Variants in PTPRD observed in about 807,000 individuals in gnomAD.
PTPRD encodes receptor-type tyrosine-protein phosphatase delta.
PTPRD carries 34 observed loss-of-function variants against 214.5 expected under a neutral mutation model. The observed-to-expected ratio is 0.16, with a 90% CI of 0.12 to 0.21. The LOEUF (loss-of-function observed/expected upper bound fraction) is 0.21, where lower values mean the gene tolerates loss of function less well. Ranked by LOEUF, PTPRD falls within the 10% of genes least tolerant of loss-of-function variation. The pLI is 1.00. For synonymous variants in PTPRD, 1,128 were observed against 845.7 expected, an observed-to-expected ratio of 1.33 and a Z score of -5.79; for missense variants, 2,545 against 2,398.7, an observed-to-expected ratio of 1.06 and a Z score of -1.27.
At chr9:8,718,947 T>G (rs1362674137) in intron 12 of PTPRD, among the ~76,000 whole-genome samples, 1 of 152,004 alleles carries the variant, frequency 6.6e-6, no homozygotes, top group Non-Finnish European at 1.5e-5. Context: ...ACCAAAATGG[T>G]ACAGAGTATA....
intron 2 of PTPRD, among the ~76,000 whole-genome samples, chr9:10,563,738 TATAA>T (rs2064733400): frequency 6.6e-6 from 1 of 152,076 alleles, no homozygotes. Flanking sequence ...TAAATGGTTG[TATAA>T]ATAAGATGTT....
At chr9:9,660,892 G>A (rs1256425684) in intron 7 of PTPRD, among the ~76,000 whole-genome samples, 1 of 151,898 alleles carries the variant, frequency 6.6e-6, no homozygotes, top group East Asian at 1.9e-4. Context: ...TGCCACCAAT[G>A]CCAGGATTCA....
At chr9:10,073,322 T>C (rs1441223109) in intron 3 of PTPRD, among the ~76,000 whole-genome samples, 1 of 152,022 alleles carries the variant, frequency 6.6e-6, no homozygotes, top group East Asian at 1.9e-4. Context: ...GGGGCTGCCA[T>C]AAGTAACTTT....
At chr9:8,456,895 C>A (rs1051841461) in intron 33 of PTPRD, among the ~76,000 whole-genome samples, 7 of 152,168 alleles carry the variant, frequency 4.6e-5, no homozygotes, top group African/African-American at 1.7e-4. Flanking sequence ...TTTTATCCAT[C>A]TTGAAATGCT....
At chr9:10,079,429 T>G (rs1055540748) in intron 3 of PTPRD, among the ~76,000 whole-genome samples, 2 of 152,096 alleles carry the variant, frequency 1.3e-5, no homozygotes, top group African/African-American at 2.4e-5. Flanking sequence ...TGTTGTGTTT[T>G]TGTTGCTGTA....
At chr9:9,860,458 T>C (rs2062483259) in intron 5 of PTPRD, among the ~76,000 whole-genome samples, 1 of 152,234 alleles carries the variant, frequency 6.6e-6, no homozygotes, top group South Asian at 2.1e-4. Flanking sequence ...TGGTTTCTTG[T>C]TTATTGTTCA....
intron 11 of PTPRD, among the ~76,000 whole-genome samples, chr9:8,912,101 C>T (rs535768913): frequency 6.6e-6 from 1 of 152,216 alleles, no homozygotes; most frequent in South Asian, 2.1e-4. Flanking sequence ...TTTGACAATT[C>T]TGTAAAATGT....
intron 14 of PTPRD, among the ~76,000 whole-genome samples, chr9:8,603,654 T>C (rs1449841534): frequency 6.6e-6 from 1 of 152,194 alleles, no homozygotes; most frequent in Middle Eastern, 3.2e-3. Flanking sequence ...CAACTTAGAA[T>C]ATAAATCCAA....
At chr9:9,516,803 TGGGATTACA>T (rs2096849890) in intron 8 of PTPRD, among the ~76,000 whole-genome samples, 1 of 148,412 alleles carries the variant, frequency 6.7e-6, no homozygotes, top group African/African-American at 2.4e-5. Context: ...CCCAAAGTGC[TGGGATTACA>T]GGTGTGAGCC....
At chr9:8,363,222 T>C in intron 39 of PTPRD, among the ~76,000 whole-genome samples, 1 of 152,216 alleles carries the variant, frequency 6.6e-6, no homozygotes, top group Admixed American at 6.5e-5. Context: ...TGCATTCATT[T>C]ACAGTATTCA....
chr9:9,889,807 GTGTGTA>G (rs532897602), intron 5 of PTPRD, among the ~76,000 whole-genome samples: 296 of 144,084 alleles, frequency 2.1e-3, no homozygotes, highest in African/African-American at 8.1e-3. Context: ...GTGTGTGTGT[GTGTGTA>G]TGTGTGTGTG....
At chr9:8,716,762 C>T (rs1236421242) in intron 12 of PTPRD, among the ~76,000 whole-genome samples, 5 of 152,118 alleles carry the variant, frequency 3.3e-5, no homozygotes, top group Non-Finnish European at 7.3e-5. Flanking sequence ...CACAAACTTT[C>T]GAAACAGTTG....
intron 14 of PTPRD, among the ~76,000 whole-genome samples, chr9:8,575,810 T>C (rs79597414): frequency 1.3e-5 from 2 of 152,150 alleles, no homozygotes; most frequent in Non-Finnish European, 2.9e-5. Flanking sequence ...CATAAATGCA[T>C]TAACTTAAAT....
At chr9:9,439,760 G>C (rs1465362963) in intron 8 of PTPRD, among the ~76,000 whole-genome samples, 1 of 152,158 alleles carries the variant, frequency 6.6e-6, no homozygotes, top group Non-Finnish European at 1.5e-5. Context: ...AGCATTAATG[G>C]TAATCATAGA....
At chr9:8,942,995 A>G (rs1157495263) in intron 11 of PTPRD, among the ~76,000 whole-genome samples, 1 of 152,176 alleles carries the variant, frequency 6.6e-6, no homozygotes, top group African/African-American at 2.4e-5. Flanking sequence ...CTATATGCCA[A>G]TAGCAAATAA....
At chr9:9,688,570 A>G (rs191287194) in intron 7 of PTPRD, among the ~76,000 whole-genome samples, 491 of 152,094 alleles carry the variant, frequency 3.2e-3, no homozygotes, top group Admixed American at 5.6e-3. Context: ...CTGCATACAG[A>G]TAAAGAAAAT....
chr9:8,431,549 T>G (rs2095054980), intron 35 of PTPRD, among the ~76,000 whole-genome samples: 1 of 152,232 alleles, frequency 6.6e-6, no homozygotes, highest in Admixed American at 6.5e-5. Flanking sequence ...TATATGACTG[T>G]GATGATGCCT....
chr9:9,428,202 AG>A (rs2081733395), intron 8 of PTPRD, among the ~76,000 whole-genome samples: 1 of 152,192 alleles, frequency 6.6e-6, no homozygotes, highest in Admixed American at 6.5e-5. Flanking sequence ...CTCAGAATAA[AG>A]GGATGGAGGA....
intron 2 of PTPRD, among the ~76,000 whole-genome samples, chr9:10,455,899 CA>C (rs1425161651): frequency 1.6e-4 from 25 of 151,862 alleles, no homozygotes; most frequent in African/African-American, 6.0e-4. Flanking sequence ...TAGGAAATCA[CA>C]AAATAAGATG....
Sources: gnomAD v4.1 joint callset for allele counts (sites outside exome capture counted in the v4.1 genomes callset) on GRCh38, gnomAD v4.1.1 for gene constraint, MANE v1.5 for transcripts, NCBI Gene and HGNC (gene_info 2026-07-23, HGNC 2026-07-21) for gene names.